FLOT1: variants seen among roughly 807,000 people sequenced by gnomAD.
FLOT1 encodes flotillin 1, also known as flotillin-1.
Under a neutral mutation model 58.4 loss-of-function variants are expected in FLOT1, and 40 were observed. The observed-to-expected ratio is 0.69, with a 90% CI of 0.53 to 0.89. FLOT1 has a LOEUF of 0.89. FLOT1 is among the 40% of genes least tolerant of loss of function. The pLI is 0.00. For missense variants in FLOT1, 423 were observed against 540.8 expected, an observed-to-expected ratio of 0.78 and a Z score of 2.16; for synonymous variants, 178 against 204.2, an observed-to-expected ratio of 0.87 and a Z score of 1.09.
rs368750083 is a variant in FLOT1 at position 30,741,186 on chromosome 6, C to G, written c.354+4G>C. On this transcript the variant is annotated splice_donor_region_variant and intron_variant, in intron 5 of 12. Transcript: ENST00000376389. This position sits in a 1 kb window ranked among gnomAD's most constrained non-coding sequence, Gnocchi z 5.9. ...TCCAGATGGTTCCCTGCCCCTAGGC[C>G]AACCTCCACAGTCATGTGGGCCATG... 16 of 1,612,926 alleles carry G rather than the reference C, an allele frequency of 9.9e-6. No homozygotes were observed. Among genetic ancestry groups the G allele is most frequent in the African/African-American group, 1.3e-5 (1 of 75,056 alleles).
At position 30,741,855 on chromosome 6, in the gene FLOT1, C is replaced by T. The variant is rs755142070; in HGVS notation, c.56G>A (p.Ser19Asn). Residue 19 changes from serine (S) to asparagine (N), a missense_variant, in exon 3 of 13, where the codon AGC becomes AAC. By Grantham distance (46) the Ser-to-Asn change is conservative. This residue lies in a region of FLOT1 where 91 missense variants were observed against 118.3 expected (regional missense o/e 0.77). Transcript: ENST00000376389. This position sits in a 1 kb window ranked among gnomAD's most constrained non-coding sequence, Gnocchi z 5.9. The part of the protein sequence containing the change: ...EAMVVSGFCR[S>N]PPVMVAGGRV... The stretch of plus-strand genomic sequence containing the variant: ...CCCTCCAGCCACCATGACTGGGGGG[C>T]TTCGGCAGAACCCTGCAAGGTGTGG... 1.9e-6 allele frequency: 3 copies of T among 1,612,484 alleles called. No homozygotes were observed. In the African/African-American group the frequency reaches 4.0e-5, roughly 22 times the overall value.
Position 30,741,601 on chromosome 6 carries a change from C to A in FLOT1, c.210+13G>T. The A allele has an allele frequency of 6.2e-7, 1 of 1,601,304 alleles. No individual in the cohort carries two copies. The highest frequency in any genetic ancestry group is 8.5e-7 in the Non-Finnish European group (1 of 1,169,668). On this transcript the variant is annotated intron_variant, in intron 4 of 12. Coordinates refer to ENST00000376389, the MANE Select transcript of FLOT1 (RefSeq NM_005803.4). The surrounding 1 kb of genome is among the most constrained non-coding windows in gnomAD (Gnocchi z 5.9). ...GGAAGTGGACTGTGGGGAAAAGGCTCTGAAAGCTTCACCTGGGCAATGCCA... is the reference window on the plus strand; with the variant it reads ...GGAAGTGGACTGTGGGGAAAAGGCTATGAAAGCTTCACCTGGGCAATGCCA...
At position 30,731,007 on chromosome 6, in the gene FLOT1, C is replaced by A. The variant is rs1184526864; in HGVS notation, c.817G>T (p.Ala273Ser). Residue 273 changes from alanine (A) to serine (S), a missense_variant, in exon 9 of 13, where the codon GCC (alanine) becomes TCC (serine). Physicochemically the swap from Ala to Ser is moderately conservative, Grantham distance 99. Transcript: ENST00000376389. Reference sequence around the variant, plus strand: ...GCCTCCAGCTCCTTCTCCCGCCGGGCGATCTCCTGCTCCTGCACTGCCACC... The same window carrying A: ...GCCTCCAGCTCCTTCTCCCGCCGGGAGATCTCCTGCTCCTGCACTGCCACC... ...QQVAVQEQEI[A>S]RREKELEARV... is the part of the protein sequence containing the mutation. 1.2e-6 allele frequency: 2 copies of A among 1,613,516 alleles called. No individual in the cohort carries two copies. The highest frequency in any genetic ancestry group is 8.5e-7 in the Non-Finnish European group (1 of 1,180,006).
chr6:30,741,632 T>C lies in FLOT1; in HGVS notation c.192A>G (p.Ser64=). The change falls in exon 4 of 13, where the codon TCA becomes TCG. Residue 64 remains serine, a synonymous_variant. Transcript: ENST00000376389. This position sits in a 1 kb window ranked among gnomAD's most constrained non-coding sequence, Gnocchi z 5.9. ...GCTTCACCTGGGCAATGCCAGTGAC[T>C]GAGATGGGGACCCCATGGCGAGTGT... ...KVYTRHGVPI[S]VTGIAQVKIQ... 6.2e-7 allele frequency: 1 copy of C among 1,612,226 alleles called. No homozygotes were observed. The highest frequency in any genetic ancestry group is 8.5e-7 in the Non-Finnish European group (1 of 1,179,568).
chr6:30,742,243 G>C lies in FLOT1; in HGVS notation c.-14-40C>G. On this transcript the variant is annotated intron_variant, in intron 1 of 12. Coordinates refer to ENST00000376389, the MANE Select transcript of FLOT1 (RefSeq NM_005803.4). The surrounding 1 kb of genome is among the most constrained non-coding windows in gnomAD (Gnocchi z 5.2). Reference sequence around the variant, plus strand: ...GGGAAAGCCTTTGCGGATGGGGAAGGCGCGCTGTGGCGTCCACAGGGGCCC... The same window carrying C: ...GGGAAAGCCTTTGCGGATGGGGAAGCCGCGCTGTGGCGTCCACAGGGGCCC... The C allele has an allele frequency of 6.4e-7, 1 of 1,561,516 alleles. No individual in the cohort carries two copies. The highest frequency in any genetic ancestry group is 1.4e-5 in the African/African-American group (1 of 73,960).
rs780293211 is a variant in FLOT1 at position 30,741,843 on chromosome 6, A to G, written c.68T>C (p.Met23Thr). Residue 23 changes from methionine to threonine, a missense_variant, in exon 3 of 13, where the codon ATG (methionine) becomes ACG (threonine). Around this residue, in one of 6 missense-constraint regions of FLOT1, gnomAD observed 91 missense variants for 118.3 expected, o/e 0.77. Coordinates refer to ENST00000376389, the MANE Select transcript of FLOT1 (RefSeq NM_005803.4). The surrounding 1 kb of genome is among the most constrained non-coding windows in gnomAD (Gnocchi z 5.9). The stretch of plus-strand genomic sequence containing the variant: ...GACAAAGACACGCCCTCCAGCCACC[A>G]TGACTGGGGGGCTTCGGCAGAACCC... ...VSGFCRSPPV[M>T]VAGGRVFVLP... 1.2e-6 allele frequency: 2 copies of G among 1,612,722 alleles called. No homozygotes were observed. The highest frequency in any genetic ancestry group is 1.7e-6 in the Non-Finnish European group (2 of 1,180,006).
intron 8 of FLOT1, among the ~76,000 whole-genome samples, chr6:30,731,902 T>C (rs1239848576): frequency 6.6e-6 from 1 of 152,210 alleles, no homozygotes. Context: ...TTCTTGTGTA[T>C]CCTTCCAGGG....
Position 30,730,706 on chromosome 6 carries a change from C to T in FLOT1, c.927G>A (p.Ala309=), listed in dbSNP as rs768204878. ...EAEKSQLIMQ[A]EAEAASVRMR... is the part of the protein sequence containing the mutation. ...CCCGCACAGACGCGGCTTCTGCCTC[C>T]GCCTGCATAATTAGTTGGGACCTGT... The change falls in exon 10 of 13, where the codon GCG becomes GCA. Residue 309 remains alanine, a synonymous_variant. Coordinates refer to ENST00000376389, the MANE Select transcript of FLOT1 (RefSeq NM_005803.4). The T allele has an allele frequency of 2.1e-5, 34 of 1,613,286 alleles. No individual in the cohort carries two copies. The African/African-American group carries it at 2.5e-4, about 12-fold the overall frequency.
chr6:30,730,759 C>T (rs1348483088), intron 9 of FLOT1, 32 bp from the exon 10 acceptor site: 1 of 1,612,684 alleles, frequency 6.2e-7, no homozygotes, highest in Non-Finnish European at 8.5e-7. Context: ...AGGGTGGAGC[C>T]CAGCAGCCCT....
intron 5 of FLOT1, 117 bp from the exon 6 acceptor site, chr6:30,740,915 T>C: frequency 7.1e-7 from 1 of 1,407,644 alleles, no homozygotes; most frequent in East Asian, 2.5e-5. Flanking sequence ...GCCTCCCAAG[T>C]AGCTGGGATT....
chr6:30,740,678 C>T lies in FLOT1; in HGVS notation c.474+1G>A, dbSNP rs1464638697. ...GGGAAGGATCAATTGCCTAGTTTTA[C>T]CTGGTCATCGTGAATGTCCTTCAGA... On this transcript the variant is annotated splice_donor_variant, in intron 6 of 12. Transcript: ENST00000376389. LOFTEE classifies it high-confidence loss of function. The T allele has an allele frequency of 1.1e-5, 17 of 1,612,976 alleles. No individual in the cohort carries two copies. The highest frequency in any genetic ancestry group is 1.4e-5 in the Non-Finnish European group (17 of 1,180,030).
At chr6:30,728,203 A>C (rs751635633) in intron 12 of FLOT1, 58 bp from the exon 13 acceptor site, 5 of 1,502,508 alleles carry the variant, frequency 3.3e-6, no homozygotes, top group Admixed American at 1.7e-5. Context: ...TGAGGCCCCT[A>C]CTCTCCCGGG....
rs1777153673 is a variant in FLOT1 at position 30,731,063 on chromosome 6, AC to A, written c.760del (p.Val254CysfsTer44). On this transcript the variant is annotated frameshift_variant, in exon 9 of 13. Transcript: ENST00000376389. LOFTEE classifies it high-confidence loss of function. ...GGCCCGCTCCACCACCTGCACCTGC[AC>A]CCGCTGCTCCTCAATCTGCTGCTTA... ...KTKQQIEEQRVQVQVVERAQQ... is the reference protein window; with the variant it reads ...KTKQQIEEQRXQVQVVERAQQ... 2 of 1,609,976 alleles carry A rather than the reference AC, an allele frequency of 1.2e-6. No individual in the cohort carries two copies. The highest frequency in any genetic ancestry group is 2.7e-5 in the African/African-American group (2 of 74,862).
chr6:30,739,118 G>A (rs1777780813), intron 8 of FLOT1, among the ~76,000 whole-genome samples: 1 of 152,224 alleles, frequency 6.6e-6, no homozygotes, highest in Admixed American at 6.5e-5. Context: ...CAATGTCCAA[G>A]TCCATGTTTT....
chr6:30,735,448 T>TAAA (rs540194352), intron 8 of FLOT1, among the ~76,000 whole-genome samples: 1 of 126,368 alleles, frequency 7.9e-6, no homozygotes, highest in Non-Finnish European at 1.7e-5. Context: ...CCCTCTCTAC[T>TAAA]AAAAAAAAAA....
chr6:30,731,006 G>A lies in FLOT1; in HGVS notation c.818C>T (p.Ala273Val). The change falls in exon 9 of 13, where the codon GCC (alanine) becomes GTC (valine). Residue 273 changes from alanine to valine, a missense_variant. Ala to Val is a moderately conservative substitution (Grantham distance 64). This residue lies in a region of FLOT1 where 106 missense variants were observed against 88.4 expected (regional missense o/e 1.20). Coordinates refer to ENST00000376389, the MANE Select transcript of FLOT1 (RefSeq NM_005803.4). ...GGCCTCCAGCTCCTTCTCCCGCCGG[G>A]CGATCTCCTGCTCCTGCACTGCCAC... ...QQVAVQEQEI[A>V]RREKELEARV... is the part of the protein sequence containing the mutation. 4 of 1,613,536 alleles carry A rather than the reference G, an allele frequency of 2.5e-6. No individual in the cohort carries two copies. The highest frequency in any genetic ancestry group is 3.4e-6 in the Non-Finnish European group (4 of 1,180,006).
Position 30,730,725 on chromosome 6 carries a change from G to C in FLOT1, c.908C>G (p.Ser303Cys), listed in dbSNP as rs552351062. The C allele has an allele frequency of 1.2e-4, 195 of 1,613,216 alleles. 1 individual carries two copies. The East Asian group carries it at 4.1e-3, about 34-fold the overall frequency. ...TGCCTCCGCCTGCATAATTAGTTGG[G>C]ACCTGTGGACAGAAGGGAAGTGGAG... ...KLERLAEAEK[S>C]QLIMQAEAEA... The change falls in exon 10 of 13, where the codon TCC becomes TGC. Residue 303 changes from serine (S) to cysteine (C), a missense_variant and splice_region_variant. By Grantham distance (112) the Ser-to-Cys change is moderately radical. Coordinates refer to ENST00000376389, the MANE Select transcript of FLOT1 (RefSeq NM_005803.4).
In FLOT1 at chr6:30,741,741, AG is replaced by A. The variant is rs773743024; in HGVS notation, c.120-38del. The A allele has an allele frequency of 1.2e-6, 2 of 1,609,568 alleles. No individual in the cohort carries two copies. The highest frequency in any genetic ancestry group is 2.2e-5 in the South Asian group (2 of 91,018). ...AGAAGGGACAGACAGTAAGAAGAGG[AG>A]GAAAAAGAGAAAACGGAGGTCCCCC... On this transcript the variant is annotated intron_variant, in intron 3 of 12. Transcript: ENST00000376389. The surrounding 1 kb of genome is among the most constrained non-coding windows in gnomAD (Gnocchi z 5.9).
chr6:30,742,633 C>G lies in FLOT1; in HGVS notation c.-121G>C, dbSNP rs1464952345. On this transcript the variant is annotated 5_prime_UTR_variant, in exon 1 of 13. Transcript: ENST00000376389. The surrounding 1 kb of genome is among the most constrained non-coding windows in gnomAD (Gnocchi z 5.2). Reference sequence around the variant, plus strand: ...GCTCGCAGACCAGCTTTCCTGGGAGCTGGCCCCGCTCCCGCGTTCCCCACC... The same window carrying G: ...GCTCGCAGACCAGCTTTCCTGGGAGGTGGCCCCGCTCCCGCGTTCCCCACC... 5.5e-6 allele frequency: 1 copy of G among 183,482 alleles called. No individual in the cohort carries two copies. Among genetic ancestry groups the G allele is most frequent in the East Asian group, 1.7e-4 (1 of 6,060 alleles). The allele number at this position is 183,482 out of a possible 1,614,324, so 11.4% of individuals were successfully genotyped here.
Sources: allele counts gnomAD v4.1 joint callset (sites outside exome capture counted in the v4.1 genomes callset), GRCh38; gene constraint gnomAD v4.1.1; regional missense constraint gnomAD v4.1.1; non-coding constraint Gnocchi (gnomAD v3.1); transcripts MANE v1.5; gene names NCBI Gene and HGNC (gene_info 2026-07-23, HGNC 2026-07-21).